Variants in C8orf88 observed in about 807,000 individuals in gnomAD.
C8orf88 encodes uncharacterized protein C8orf88.
C8orf88 carries 14 observed loss-of-function variants against 18.4 expected under a neutral mutation model. The observed-to-expected ratio is 0.76, with a 90% CI of 0.50 to 1.19. C8orf88 has a LOEUF of 1.19. Among genes scored for constraint, C8orf88 ranks in the 50% most tolerant of loss-of-function variants. The pLI is 0.00. For synonymous variants in C8orf88, 45 were observed against 42.9 expected, an observed-to-expected ratio of 1.05 and a Z score of -0.19; for missense variants, 116 against 134.7, an observed-to-expected ratio of 0.86 and a Z score of 0.69.
In C8orf88 at chr8:90,971,134, G is replaced by A. The variant is rs760697001; in HGVS notation, c.155C>T (p.Thr52Met). ...TTGAGAAAAGGCTTGCATTCCATTC[G>A]TCTTACACTGTTAAACATGAAGAAA... is the stretch of plus-strand genomic sequence containing the variant. ...CIQSGVSRCK[T>M]NGMQAFSQGL... The change falls in exon 4 of 6, where the codon ACG becomes ATG. Residue 52 changes from threonine to methionine, a missense_variant. By Grantham distance (81) the Thr-to-Met change is moderately conservative. Transcript: ENST00000517562. 259 of 1,501,254 alleles carry A rather than the reference G, an allele frequency of 1.7e-4. No individual in the cohort carries two copies. Among genetic ancestry groups the A allele is most frequent in the Admixed American group, 2.9e-4 (14 of 47,860 alleles). 93.0% of individuals were successfully genotyped at this position (1,501,254 alleles called of 1,614,324 possible).
intron 3 of C8orf88, among the ~76,000 whole-genome samples, chr8:90,972,495 G>T (rs750425033): frequency 1.3e-5 from 2 of 151,746 alleles, no homozygotes; most frequent in Non-Finnish European, 2.9e-5. Context: ...CTACTTAAAT[G>T]CAAGATCTAA....
intron 5 of C8orf88, among the ~76,000 whole-genome samples, chr8:90,960,221 G>A (rs1055150227): frequency 9.3e-5 from 14 of 151,312 alleles, no homozygotes; most frequent in Non-Finnish European, 1.9e-4. Context: ...AATATAAAGG[G>A]CTAAGAATAG....
In C8orf88 at chr8:90,985,006, C is replaced by A. The variant is rs192630523; in HGVS notation, c.-27+108G>T. The A allele has an allele frequency of 4.5e-3, 694 of 152,562 alleles. 3 individuals carry two copies. Among genetic ancestry groups the A allele is most frequent in the African/African-American group, 0.015 (636 of 41,580 alleles). The allele number at this position is 152,562 out of a possible 1,614,324, so 9.5% of individuals were successfully genotyped here. A position where few individuals can be genotyped will look rare whatever the true frequency, so the allele number is the denominator to read the frequency against. Reference sequence around the variant, plus strand: ...CCACCTCAGAGCTTCTCTTCCTCGCCTCAACTTTCCCGGGGTCGGGCCTGG... The same window carrying A: ...CCACCTCAGAGCTTCTCTTCCTCGCATCAACTTTCCCGGGGTCGGGCCTGG... On this transcript the variant is annotated intron_variant, in intron 1 of 5. Coordinates refer to ENST00000517562, the MANE Select transcript of C8orf88 (RefSeq NM_001190972.2).
chr8:90,968,061 G>T (rs1438982616), intron 4 of C8orf88, among the ~76,000 whole-genome samples: 7 of 151,642 alleles, frequency 4.6e-5, no homozygotes, highest in Non-Finnish European at 5.9e-5. Context: ...TTGCAGAAAT[G>T]GAAACGTTGA....
chr8:90,960,901 T>G, intron 4 of C8orf88, 53 bp from the exon 5 acceptor site: 1 of 1,062,856 alleles, frequency 9.4e-7, no homozygotes, highest in South Asian at 1.4e-5. Flanking sequence ...GCTGTCTAGA[T>G]CACTTTTTGG....
intron 3 of C8orf88, among the ~76,000 whole-genome samples, chr8:90,972,629 T>C (rs559607042): frequency 6.6e-6 from 1 of 152,220 alleles, no homozygotes; most frequent in African/African-American, 2.4e-5. Context: ...ACAGTGATTA[T>C]CTATATGTTA....
At chr8:90,974,239 TG>T (rs1337631403) in intron 3 of C8orf88, among the ~76,000 whole-genome samples, 2 of 152,166 alleles carry the variant, frequency 1.3e-5, no homozygotes, top group African/African-American at 4.8e-5. Flanking sequence ...AGTGACACAG[TG>T]CTAGTTTCCA....
chr8:90,967,092 A>G (rs550617307), intron 4 of C8orf88, among the ~76,000 whole-genome samples: 2 of 151,910 alleles, frequency 1.3e-5, no homozygotes, highest in Non-Finnish European at 2.9e-5. Context: ...TAACATTGAA[A>G]AAAGAAACAG....
intron 5 of C8orf88, 106 bp downstream of exon 5, chr8:90,960,636 C>T: frequency 3.5e-6 from 2 of 568,774 alleles, no homozygotes; most frequent in East Asian, 3.0e-5. Context: ...TTACTTATAT[C>T]TTATAATAAG....
At chr8:90,968,729 A>T (rs930457079) in intron 4 of C8orf88, among the ~76,000 whole-genome samples, 3 of 140,716 alleles carry the variant, frequency 2.1e-5, no homozygotes, top group African/African-American at 7.8e-5. Flanking sequence ...AGAATAATAG[A>T]TAATAGATAA....
In C8orf88 at chr8:90,969,036, A is replaced by C. The variant is rs573116480; in HGVS notation, c.223+2030T>G. ...GCAACTAAGAATGTAAAATGGTAGA[A>C]CTGCTGTGAAAAACAATTTGGCAGT... On this transcript the variant is annotated intron_variant, in intron 4 of 5. Transcript: ENST00000517562. Among the ~76,000 whole-genome samples, 4 of 151,894 alleles carry C rather than the reference A, an allele frequency of 2.6e-5. No individual in the cohort carries two copies. The East Asian group carries it at 7.8e-4, about 29-fold the overall frequency.
chr8:90,979,783 T>G (rs967382411), intron 2 of C8orf88, among the ~76,000 whole-genome samples: 14 of 152,176 alleles, frequency 9.2e-5, no homozygotes, highest in Admixed American at 8.5e-4. Flanking sequence ...AGAAGTTAAA[T>G]ACCAGGTATT....
chr8:90,959,008 T>G lies in C8orf88; in HGVS notation c.353A>C (p.Ter118SerextTer6). Residue 118 changes from the stop codon to serine, a stop_lost, in exon 6 of 6, where the codon TAG becomes TCG. Coordinates refer to ENST00000517562, the MANE Select transcript of C8orf88 (RefSeq NM_001190972.2). ...TTAAATTCATCTGTTCTTAAAATGC[T>G]ACTTAAAACTTTGGTTGTTTTCCTG... ...QKPENNQSFK[*>S] is the part of the protein sequence containing the mutation. The G allele has an allele frequency of 7.1e-7, 1 of 1,410,844 alleles. No homozygotes were observed. The highest frequency in any genetic ancestry group is 1.5e-5 in the African/African-American group (1 of 68,486). The allele number at this position is 1,410,844 out of a possible 1,614,324, so 87.4% of individuals were successfully genotyped here. A position where few individuals can be genotyped will look rare whatever the true frequency, so the allele number is the denominator to read the frequency against.
chr8:90,960,474 AAAAAT>A (rs1388526612), intron 5 of C8orf88, among the ~76,000 whole-genome samples: 1 of 151,446 alleles, frequency 6.6e-6, no homozygotes, highest in Non-Finnish European at 1.5e-5. Flanking sequence ...ATTTAATTGA[AAAAAT>A]AAAACTTTTA....
intron 5 of C8orf88, 63 bp from the exon 6 acceptor site, chr8:90,959,093 T>A (rs775300757): frequency 5.5e-5 from 42 of 764,020 alleles, no homozygotes; most frequent in Admixed American, 3.7e-4. Flanking sequence ...CTAATTAGTT[T>A]ATCAAACCAA....
intron 4 of C8orf88, among the ~76,000 whole-genome samples, chr8:90,969,448 T>C (rs1811253449): frequency 1.3e-5 from 2 of 151,928 alleles, no homozygotes; most frequent in Non-Finnish European, 2.9e-5. Context: ...ACATTGTACA[T>C]AGTTATGAAA....
intron 3 of C8orf88, 84 bp downstream of exon 3, chr8:90,978,495 T>G (rs1006269013): frequency 1.4e-6 from 1 of 697,884 alleles, no homozygotes; most frequent in Non-Finnish European, 2.2e-6. Context: ...TATATAAGCA[T>G]AGTATCTGGC....
chr8:90,973,669 A>C (rs898775333), intron 3 of C8orf88, among the ~76,000 whole-genome samples: 1 of 152,098 alleles, frequency 6.6e-6, no homozygotes, highest in African/African-American at 2.4e-5. Context: ...GTTTTTGTAG[A>C]GACAAGATCT....
chr8:90,958,967 T>C lies in C8orf88; in HGVS notation c.*40A>G. 7.5e-7 allele frequency: 1 copy of C among 1,329,000 alleles called. No individual in the cohort carries two copies. The highest frequency in any genetic ancestry group is 1.0e-6 in the Non-Finnish European group (1 of 979,902). 82.3% of individuals were successfully genotyped at this position (1,329,000 alleles called of 1,614,324 possible). ...GTTATTGTTGCTAGATCCACCTCAT[T>C]TGCAGATGTCCAAACTTAAATTCAT... On this transcript the variant is annotated 3_prime_UTR_variant, in exon 6 of 6. Coordinates refer to ENST00000517562, the MANE Select transcript of C8orf88 (RefSeq NM_001190972.2).
Sources: allele counts gnomAD v4.1 joint callset (sites outside exome capture counted in the v4.1 genomes callset), GRCh38; gene constraint gnomAD v4.1.1; transcripts MANE v1.5; gene names NCBI Gene and HGNC (gene_info 2026-07-23, HGNC 2026-07-21).